HCN1: variants seen among roughly 807,000 people sequenced by gnomAD.
HCN1 encodes the protein potassium/sodium hyperpolarization-activated cyclic nucleotide-gated channel 1.
Under a neutral mutation model 78.9 loss-of-function variants are expected in HCN1, and 13 were observed. That is an observed-to-expected ratio of 0.16 (90% CI 0.11 to 0.26). HCN1 has a LOEUF of 0.26. Among genes scored for constraint, HCN1 ranks in the 10% least tolerant of loss-of-function variants. The probability of loss-of-function intolerance (pLI) is 1.00; values close to 1 mark genes in which losing one functional copy is unlikely to be tolerated. For synonymous variants in HCN1, 552 were observed against 455.5 expected, an observed-to-expected ratio of 1.21 and a Z score of -2.70; for missense variants, 810 against 1,154.3, an observed-to-expected ratio of 0.70 and a Z score of 4.32.
At chr5:45,577,288 C>A (rs911795270) in intron 2 of HCN1, among the ~76,000 whole-genome samples, 1 of 151,896 alleles carries the variant, frequency 6.6e-6, no homozygotes, top group South Asian at 2.1e-4. Flanking sequence ...TAGAACAAGA[C>A]GAAAATCTTC....
Position 45,435,822 on chromosome 5 carries a change from A to T in HCN1, c.1011+26024T>A, listed in dbSNP as rs1740551788. ...AAGATACTAGAGATAAACTCACAAA[A>T]ACACCACAAAATTAGTAATTATGAC... is the stretch of plus-strand genomic sequence containing the variant. On this transcript the variant is annotated intron_variant, in intron 3 of 7. Transcript: ENST00000303230. Among the ~76,000 whole-genome samples the T allele has an allele frequency of 2.0e-5, 3 of 152,184 alleles. No homozygotes were observed. The South Asian group carries it at 6.2e-4, about 31-fold the overall frequency.
At chr5:45,678,131 A>G (rs1360133505) in intron 1 of HCN1, among the ~76,000 whole-genome samples, 1 of 151,838 alleles carries the variant, frequency 6.6e-6, no homozygotes, top group Non-Finnish European at 1.5e-5. Flanking sequence ...GATTATTTAC[A>G]TAGCTCTACA....
intron 3 of HCN1, among the ~76,000 whole-genome samples, chr5:45,436,761 C>G (rs1052815838): frequency 6.6e-6 from 1 of 152,180 alleles, no homozygotes; most frequent in African/African-American, 2.4e-5. Context: ...TGGGCCAGAT[C>G]ATCTAGGCTT....
chr5:45,663,753 A>C (rs1745972489), intron 1 of HCN1, among the ~76,000 whole-genome samples: 1 of 152,106 alleles, frequency 6.6e-6, no homozygotes, highest in Non-Finnish European at 1.5e-5. Flanking sequence ...CAAAACCACT[A>C]TGAGGTATCA....
chr5:45,449,266 C>T (rs777818831), intron 3 of HCN1, among the ~76,000 whole-genome samples: 59 of 152,238 alleles, frequency 3.9e-4, no homozygotes, highest in Middle Eastern at 3.4e-3. Context: ...ATAAGAGAAC[C>T]AGTAGAGGAA....
At chr5:45,483,713 T>C (rs1188676074) in intron 2 of HCN1, among the ~76,000 whole-genome samples, 3 of 152,076 alleles carry the variant, frequency 2.0e-5, no homozygotes, top group African/African-American at 7.2e-5. Context: ...TTGAGAAGAG[T>C]ACTTCCTAGG....
chr5:45,583,466 CA>C (rs1744132623), intron 2 of HCN1, among the ~76,000 whole-genome samples: 1 of 151,986 alleles, frequency 6.6e-6, no homozygotes, highest in Admixed American at 6.6e-5. Flanking sequence ...TTGATCTTTT[CA>C]AAAAACCAGC....
At chr5:45,316,582 A>G (rs1029638689) in intron 5 of HCN1, among the ~76,000 whole-genome samples, 1 of 152,066 alleles carries the variant, frequency 6.6e-6, no homozygotes, top group Admixed American at 6.6e-5. Context: ...GGCAGGAGAA[A>G]GAAATAAAGG....
At chr5:45,519,714 A>G (rs1339529645) in intron 2 of HCN1, among the ~76,000 whole-genome samples, 1 of 152,020 alleles carries the variant, frequency 6.6e-6, no homozygotes, top group Non-Finnish European at 1.5e-5. Flanking sequence ...CTCATTATTC[A>G]TTGAAACCTG....
At chr5:45,281,887 G>T (rs551211342) in intron 6 of HCN1, among the ~76,000 whole-genome samples, 2 of 151,900 alleles carry the variant, frequency 1.3e-5, no homozygotes, top group South Asian at 4.2e-4. Flanking sequence ...ACTGAGCCCT[G>T]CCAAGAGCTC....
intron 2 of HCN1, among the ~76,000 whole-genome samples, chr5:45,631,405 T>C (rs1050991769): frequency 5.9e-5 from 9 of 152,118 alleles, no homozygotes; most frequent in African/African-American, 1.9e-4. Context: ...CTGGCAGTGG[T>C]CATGATGGAG....
intron 6 of HCN1, among the ~76,000 whole-genome samples, chr5:45,267,459 GTTT>G (rs200522015): frequency 6.9e-6 from 1 of 145,856 alleles, no homozygotes; most frequent in Admixed American, 6.8e-5. Flanking sequence ...GTTTTGTTTT[GTTT>G]TAAAAAAAAA....
At chr5:45,485,323 A>T (rs1310786971) in intron 2 of HCN1, among the ~76,000 whole-genome samples, 2 of 152,180 alleles carry the variant, frequency 1.3e-5, no homozygotes, top group African/African-American at 4.8e-5. Flanking sequence ...TAAACTTTGC[A>T]TGTAAACCAT....
Position 45,262,830 on chromosome 5 carries a change from A to G in HCN1, c.1784-20T>C, listed in dbSNP as rs1561079517. 2.5e-6 allele frequency: 4 copies of G among 1,612,560 alleles called. No homozygotes were observed. Among genetic ancestry groups the G allele is most frequent in the Non-Finnish European group, 3.4e-6 (4 of 1,179,892 alleles). ...TCTTTCCTGTCAGCAAAAGAAAGAT[A>G]GGCACTTAGAAAGCCTACCAATGAC... On this transcript the variant is annotated intron_variant, in intron 7 of 7. Coordinates refer to ENST00000303230, the MANE Select transcript of HCN1 (RefSeq NM_021072.4).
intron 5 of HCN1, among the ~76,000 whole-genome samples, chr5:45,334,135 C>A (rs578155398): frequency 6.6e-6 from 1 of 151,898 alleles, no homozygotes; most frequent in East Asian, 1.9e-4. Context: ...ACAATAAAAA[C>A]AAGCTTATAT....
chr5:45,445,612 G>A (rs1463075796), intron 3 of HCN1, among the ~76,000 whole-genome samples: 6 of 152,288 alleles, frequency 3.9e-5, no homozygotes, highest in East Asian at 1.9e-4. Context: ...CCTGACACCC[G>A]AGCAGCCTAA....
chr5:45,433,963 A>G (rs1579891768), intron 3 of HCN1, among the ~76,000 whole-genome samples: 1 of 152,280 alleles, frequency 6.6e-6, no homozygotes, highest in South Asian at 2.1e-4. Context: ...AAACTTAACT[A>G]ATGTGATTTA....
At chr5:45,318,045 G>T (rs1240486130) in intron 5 of HCN1, among the ~76,000 whole-genome samples, 1 of 152,018 alleles carries the variant, frequency 6.6e-6, no homozygotes, top group Non-Finnish European at 1.5e-5. Context: ...TAACATTTGA[G>T]CCAGCCATCC....
rs1245838252 is a variant in HCN1 at position 45,696,016 on chromosome 5, G to C, written c.78C>G (p.Ser26=). 7.6e-7 allele frequency: 1 copy of C among 1,309,034 alleles called. No individual in the cohort carries two copies. Among genetic ancestry groups the C allele is most frequent in the African/African-American group, 1.5e-5 (1 of 64,594 alleles). 81.1% of individuals were successfully genotyped at this position (1,309,034 alleles called of 1,614,324 possible). The change falls in exon 1 of 8, where the codon TCC becomes TCG. Residue 26 remains serine (S), a synonymous_variant. Transcript: ENST00000303230. ...DGNSVFPAKA[S]ATGAGPAAAE... is the part of the protein sequence containing the mutation. Reference sequence around the variant, plus strand: ...CCGCGGCCGGCCCCGCGCCCGTCGCGGACGCCTTGGCGGGGAAGACGCTGT... The same window carrying C: ...CCGCGGCCGGCCCCGCGCCCGTCGCCGACGCCTTGGCGGGGAAGACGCTGT...
Sources: allele counts gnomAD v4.1 joint callset (sites outside exome capture counted in the v4.1 genomes callset), GRCh38; gene constraint gnomAD v4.1.1; transcripts MANE v1.5; gene names NCBI Gene and HGNC (gene_info 2026-07-23, HGNC 2026-07-21).